The following BANP variants were observed in gnomAD, a reference collection of about 807,000 sequenced individuals.
BANP encodes protein BANP.
BANP carries 11 observed loss-of-function variants against 68.1 expected under a neutral mutation model. The observed-to-expected ratio is 0.16, with a 90% CI of 0.10 to 0.27. BANP has a LOEUF of 0.27. BANP is among the 10% of genes least tolerant of loss of function. BANP has a pLI of 1.00. For missense variants in BANP, 504 were observed against 722.7 expected, an observed-to-expected ratio of 0.70 and a Z score of 3.47; for synonymous variants, 329 against 303.2, an observed-to-expected ratio of 1.09 and a Z score of -0.88.
At chr16:88,024,912 C>T (rs1020376021) in intron 7 of BANP, among the ~76,000 whole-genome samples, 2 of 152,204 alleles carry the variant, frequency 1.3e-5, no homozygotes, top group Admixed American at 6.5e-5. Context: ...TGAATGTTTT[C>T]ACCCATTTCT....
chr16:88,053,297 TCAC>T (rs1228745006), intron 11 of BANP, among the ~76,000 whole-genome samples: 33 of 117,914 alleles, frequency 2.8e-4, no homozygotes, highest in Admixed American at 4.9e-4. Flanking sequence ...ACAGTCCCCT[TCAC>T]CACCACCACC....
rs1029766233 is a variant in BANP, at chr16:87,957,741, G to C, written c.-69+6226G>C. Among the ~76,000 whole-genome samples the C allele has an allele frequency of 2.0e-5, 3 of 152,258 alleles. No homozygotes were observed. Among genetic ancestry groups the C allele is most frequent in the Admixed American group, 1.3e-4 (2 of 15,294 alleles). ...GCGCGCTTGGCATTTCCTTGCCGGT[G>C]TGAATGCGCTTCCCGTAAATATGGC... On this transcript the variant is annotated intron_variant, in intron 1 of 13. Transcript: ENST00000682872. The surrounding 1 kb of genome is among the most constrained non-coding windows in gnomAD (Gnocchi z 4.3).
chr16:87,975,765 T>C (rs79353943), intron 2 of BANP, among the ~76,000 whole-genome samples: 45 of 126,946 alleles, frequency 3.5e-4, no homozygotes, highest in South Asian at 2.2e-3. Context: ...CTGTGCGTGG[T>C]GTCATGGAAC....
intron 4 of BANP, among the ~76,000 whole-genome samples, chr16:87,987,579 T>G (rs1456632684): frequency 6.6e-6 from 1 of 151,192 alleles, no homozygotes; most frequent in Non-Finnish European, 1.5e-5. Context: ...TAAAAAAAAT[T>G]AGCTGGGCAC....
At chr16:87,959,036 C>T (rs1387902191) in intron 1 of BANP, among the ~76,000 whole-genome samples, 1 of 152,214 alleles carries the variant, frequency 6.6e-6, no homozygotes, top group African/African-American at 2.4e-5. Context: ...TGGGTGGTGA[C>T]ACCGTGCATG....
intron 7 of BANP, among the ~76,000 whole-genome samples, chr16:88,024,233 G>A (rs970194574): frequency 3.9e-5 from 6 of 152,150 alleles, no homozygotes; most frequent in Admixed American, 6.5e-5. Context: ...AGTGAGGGCC[G>A]CTGCTTCTTC....
intron 11 of BANP, among the ~76,000 whole-genome samples, chr16:88,042,812 G>T (rs556596209): frequency 6.6e-6 from 1 of 152,246 alleles, no homozygotes; most frequent in African/African-American, 2.4e-5. Context: ...AGCTACTCAT[G>T]AGGCTGAGGC....
intron 11 of BANP, among the ~76,000 whole-genome samples, chr16:88,039,214 C>T (rs1257225922): frequency 2.0e-5 from 3 of 152,120 alleles, no homozygotes; most frequent in African/African-American, 4.8e-5. Flanking sequence ...CCTGCAGCAT[C>T]GCTCGTCTGT....
At chr16:88,073,489 C>T (rs1177394691) in intron 13 of BANP, among the ~76,000 whole-genome samples, 2 of 152,252 alleles carry the variant, frequency 1.3e-5, no homozygotes, top group Non-Finnish European at 2.9e-5. Context: ...TGTCGCCGAC[C>T]TCACTGGAGA....
chr16:88,005,146 G>A (rs1465081269), intron 5 of BANP, among the ~76,000 whole-genome samples: 1 of 152,156 alleles, frequency 6.6e-6, no homozygotes, highest in Non-Finnish European at 1.5e-5. Flanking sequence ...AGCTGTGGTC[G>A]CAAGGGTCTG....
At position 88,038,573 on chromosome 16, in the gene BANP, C is replaced by A. The variant is rs533578915; in HGVS notation, c.1311+562C>A. On this transcript the variant is annotated intron_variant, in intron 11 of 13. Transcript: ENST00000682872. ...TAACTCTGTTAGAAAAAGGTGGTTT[C>A]GCTCCTGTGTATTGCCGTCAAACTC... 1.0e-4 allele frequency among the ~76,000 whole-genome samples: 15 copies of A among 145,736 alleles called. No homozygotes were observed. The South Asian group carries it at 3.2e-3, about 31-fold the overall frequency.
In BANP at chr16:87,957,498, G is replaced by T. The variant is rs569428506; in HGVS notation, c.-69+5983G>T. On this transcript the variant is annotated intron_variant, in intron 1 of 13. Coordinates refer to ENST00000682872, the MANE Select transcript of BANP (RefSeq NM_001386991.1). The surrounding 1 kb of genome is among the most constrained non-coding windows in gnomAD (Gnocchi z 4.3). ...GGAGTCCTGTCAGGAGACCTGGGGC[G>T]GTTTTGAGGCAAGCTCACGGAGGCC... Among the ~76,000 whole-genome samples the T allele has an allele frequency of 6.6e-6, 1 of 152,218 alleles. No homozygotes were observed. Among genetic ancestry groups the T allele is most frequent in the African/African-American group, 2.4e-5 (1 of 41,462 alleles).
At chr16:88,001,987 T>C (rs2069530571) in intron 4 of BANP, among the ~76,000 whole-genome samples, 1 of 151,904 alleles carries the variant, frequency 6.6e-6, no homozygotes, top group Admixed American at 6.5e-5. Context: ...TCAACTACAA[T>C]GGTTGAACAG....
chr16:87,992,281 G>C (rs532155697), intron 4 of BANP, among the ~76,000 whole-genome samples: 23 of 152,100 alleles, frequency 1.5e-4, no homozygotes, highest in Non-Finnish European at 3.1e-4. Flanking sequence ...GAGTTTTTGC[G>C]TCTGTGTTTG....
chr16:87,985,317 A>C (rs1413414719), intron 4 of BANP, among the ~76,000 whole-genome samples: 2 of 152,190 alleles, frequency 1.3e-5, no homozygotes, highest in Non-Finnish European at 2.9e-5. Flanking sequence ...TTGGCATCTC[A>C]GTTCGCAGGC....
intron 1 of BANP, chr16:87,966,865 C>G (rs1016068167): frequency 1.3e-5 from 2 of 152,494 alleles, no homozygotes; most frequent in African/African-American, 4.8e-5. Context: ...TTTTCCTTTG[C>G]TTTGAGGAAG....
chr16:88,008,257 C>T (rs1296915985), intron 6 of BANP, among the ~76,000 whole-genome samples: 1 of 152,114 alleles, frequency 6.6e-6, no homozygotes, highest in African/African-American at 2.4e-5. Context: ...CACTTTTTGG[C>T]TGTTGTCAGG....
chr16:88,024,625 C>T (rs1240679779), intron 7 of BANP, among the ~76,000 whole-genome samples: 1 of 152,226 alleles, frequency 6.6e-6, no homozygotes, highest in East Asian at 1.9e-4. Flanking sequence ...CGCCTGCACC[C>T]GTAAGTGCAT....
chr16:88,001,481 A>G (rs941298973), intron 4 of BANP, among the ~76,000 whole-genome samples: 16 of 152,354 alleles, frequency 1.1e-4, no homozygotes, highest in African/African-American at 3.4e-4. Flanking sequence ...CGGTCCTTAG[A>G]TAGGGACTGC....
Sources: gnomAD v4.1 joint callset for allele counts (sites outside exome capture counted in the v4.1 genomes callset) on GRCh38, gnomAD v4.1.1 for gene constraint, Gnocchi (gnomAD v3.1) non-coding constraint, MANE v1.5 for transcripts, NCBI Gene and HGNC (gene_info 2026-07-23, HGNC 2026-07-21) for gene names.